Variants in ANKRD13B observed in about 807,000 individuals in gnomAD.
The protein encoded by ANKRD13B is ankyrin repeat domain-containing protein 13B.
In ANKRD13B, 33 loss-of-function variants were observed where a neutral mutation model predicts 74.4. The ratio of observed to expected loss-of-function variants is 0.44; its 90% CI spans 0.34 to 0.59. ANKRD13B has a LOEUF of 0.59. ANKRD13B is among the 20% of genes least tolerant of loss of function. The probability of loss-of-function intolerance (pLI) is 0.02; values close to 1 mark genes in which losing one functional copy is unlikely to be tolerated. For synonymous variants in ANKRD13B, 341 were observed against 362.9 expected (o/e 0.94, Z 0.68); for missense variants, 676 against 877.9 (o/e 0.77, Z 2.91).
At chr17:29,613,016 T>G (rs1362607573) in intron 14 of ANKRD13B, 53 bp downstream of exon 14, 36 of 1,564,220 alleles carry the variant, frequency 2.3e-5, no homozygotes, top group Non-Finnish European at 3.0e-5. Context: ...CTGTCTCCCC[T>G]AAGCCAGGAC....
At chr17:29,593,896 T>TGGGAGCGGG (rs749329666) in intron 1 of ANKRD13B, 161 bp downstream of exon 1, 35 of 203,766 alleles carry the variant, frequency 1.7e-4, no homozygotes, top group African/African-American at 2.6e-4. Context: ...GAAAGGGTGA[T>TGGGAGCGGG]CCCCTCCGGC....
chr17:29,593,895 A>AGGGGAGCGGGCCC, intron 1 of ANKRD13B, 160 bp downstream of exon 1: 1 of 315,506 alleles, frequency 3.2e-6, no homozygotes, highest in Non-Finnish European at 5.6e-6. Flanking sequence ...GGAAAGGGTG[A>AGGGGAGCGGGCCC]TCCCCTCCGG....
At chr17:29,595,437 C>T (rs554243918) in intron 1 of ANKRD13B, among the ~76,000 whole-genome samples, 5 of 152,312 alleles carry the variant, frequency 3.3e-5, no homozygotes, top group Admixed American at 2.6e-4. Context: ...CACTCCCTTG[C>T]CTGAGGGTGG....
In ANKRD13B at chr17:29,613,561, G is replaced by T. The variant is rs1371630108; in HGVS notation, c.1860G>T (p.Arg620Ser). ...AGGAGGAGCTGGAGCGCATCCTGAG[G>T]CTCTCACTGACCGAGCAGTAGCGCC... Reference protein sequence around the residue: ...QEEEELERILRLSLTEQ With the variant: ...QEEEELERILSLSLTEQ Residue 620 changes from arginine to serine, a missense_variant, in exon 15 of 15, where the codon AGG (arginine) becomes AGT (serine). Arg to Ser is a moderately radical substitution (Grantham distance 110). Transcript: ENST00000394859. 1 of 1,492,296 alleles carries T rather than the reference G, an allele frequency of 6.7e-7. No individual in the cohort carries two copies. The highest frequency in any genetic ancestry group is 2.2e-5 in the Admixed American group (1 of 45,330). 92.4% of individuals were successfully genotyped at this position (1,492,296 alleles called of 1,614,324 possible). A position where few individuals can be genotyped will look rare whatever the true frequency, so the allele number is the denominator to read the frequency against.
chr17:29,605,289 G>A (rs971370146), intron 1 of ANKRD13B, among the ~76,000 whole-genome samples: 7 of 151,962 alleles, frequency 4.6e-5, no homozygotes, highest in African/African-American at 1.5e-4. Flanking sequence ...AGAAATCCAG[G>A]GATGTTACAG....
At chr17:29,602,575 C>T (rs1346856480) in intron 1 of ANKRD13B, among the ~76,000 whole-genome samples, 2 of 152,044 alleles carry the variant, frequency 1.3e-5, no homozygotes, top group African/African-American at 2.4e-5. Flanking sequence ...CTAGTCTCTG[C>T]CTCCGTCTTC....
Position 29,613,458 on chromosome 17 carries a change from AC to A in ANKRD13B, c.1758del (p.Tyr586Ter). 1 of 1,533,004 alleles carries A rather than the reference AC, an allele frequency of 6.5e-7. No individual in the cohort carries two copies. Among genetic ancestry groups the A allele is most frequent in the Non-Finnish European group, 8.8e-7 (1 of 1,142,072 alleles). The allele number at this position is 1,533,004 out of a possible 1,614,324, so 95.0% of individuals were successfully genotyped here. A position where few individuals can be genotyped will look rare whatever the true frequency, so the allele number is the denominator to read the frequency against. ...PGSGGHVFRSYDEQLRLAMEL... is the reference protein window; with the variant it reads ...PGSGGHVFRSXDEQLRLAMEL... ...TCCGGCGGCCACGTGTTCCGGAGCT[AC>A]GACGAGCAGCTGCGGCTGGCGATGG... On this transcript the variant is annotated frameshift_variant, in exon 15 of 15. Coordinates refer to ENST00000394859, the MANE Select transcript of ANKRD13B (RefSeq NM_152345.5). LOFTEE classifies it high-confidence loss of function.
chr17:29,611,653 T>C lies in ANKRD13B; in HGVS notation c.969+10T>C. The C allele has an allele frequency of 6.2e-7, 1 of 1,613,746 alleles. No individual in the cohort carries two copies. The highest frequency in any genetic ancestry group is 1.7e-5 in the Admixed American group (1 of 60,018). On this transcript the variant is annotated intron_variant, in intron 9 of 14. Coordinates refer to ENST00000394859, the MANE Select transcript of ANKRD13B (RefSeq NM_152345.5). This position sits in a 1 kb window ranked among gnomAD's most constrained non-coding sequence, Gnocchi z 4.3. ...GGGCCCCCAAAATGGGGTGAGTGTGTGCAGGGGTACCCGTAAGTGGAGGGA... is the reference window on the plus strand; with the variant it reads ...GGGCCCCCAAAATGGGGTGAGTGTGCGCAGGGGTACCCGTAAGTGGAGGGA...
At chr17:29,599,440 A>C (rs1467753091) in intron 1 of ANKRD13B, 1 of 152,246 alleles carries the variant, frequency 6.6e-6, no homozygotes, top group Non-Finnish European at 1.5e-5. Flanking sequence ...GGGGGGCAAC[A>C]GCTGCAAGGT....
intron 7 of ANKRD13B, among the ~76,000 whole-genome samples, chr17:29,610,437 T>TAG (rs2034543297): frequency 6.6e-6 from 1 of 152,194 alleles, no homozygotes; most frequent in African/African-American, 2.4e-5. Flanking sequence ...GGATCATGTT[T>TAG]GGCTTGTTTA....
rs1260780644 is a variant in ANKRD13B, at chr17:29,593,482, C to T, written c.-140C>T. 4.9e-6 allele frequency: 1 copy of T among 202,280 alleles called. No homozygotes were observed. Among genetic ancestry groups the T allele is most frequent in the Non-Finnish European group, 8.5e-6 (1 of 117,110 alleles). The allele number at this position is 202,280 out of a possible 1,614,324, so 12.5% of individuals were successfully genotyped here. ...ACCGCGCCGGGCGCGCCGCCCCCGC[C>T]CGCCGCCGCTCGCACATGCCCGAGC... On this transcript the variant is annotated 5_prime_UTR_variant, in exon 1 of 15. Transcript: ENST00000394859.
chr17:29,613,224 G>C, intron 14 of ANKRD13B, 130 bp from the exon 15 acceptor site: 4 of 1,374,278 alleles, frequency 2.9e-6, no homozygotes, highest in Non-Finnish European at 3.8e-6. Context: ...GGGCCAGGAC[G>C]CCGCGGGACT....
At chr17:29,601,111 A>T (rs2034160247) in intron 1 of ANKRD13B, among the ~76,000 whole-genome samples, 1 of 151,502 alleles carries the variant, frequency 6.6e-6, no homozygotes, top group Non-Finnish European at 1.5e-5. Flanking sequence ...TTTTTGTAGC[A>T]CAGAGTTTCA....
intron 1 of ANKRD13B, among the ~76,000 whole-genome samples, chr17:29,601,507 C>A (rs1260579016): frequency 6.6e-6 from 1 of 152,176 alleles, no homozygotes; most frequent in African/African-American, 2.4e-5. Context: ...CAGGCATGAG[C>A]CACTGTGCCT....
Position 29,608,050 on chromosome 17 carries a change from C to G in ANKRD13B, c.315C>G (p.Asp105Glu), listed in dbSNP as rs1289101796. 1 of 1,613,412 alleles carries G rather than the reference C, an allele frequency of 6.2e-7. No homozygotes were observed. The highest frequency in any genetic ancestry group is 8.5e-7 in the Non-Finnish European group (1 of 1,179,748). ...TGCAGCTGGTGCTTCGGTACCGGGA[C>G]TACCAGCGGGTGGTGAAGCGGCTGG... ...ELVQLVLRYR[D>E]YQRVVKRLAG... Residue 105 changes from aspartate to glutamate, a missense_variant, in exon 3 of 15, where the codon GAC becomes GAG. Coordinates refer to ENST00000394859, the MANE Select transcript of ANKRD13B (RefSeq NM_152345.5). This position sits in a 1 kb window ranked among gnomAD's most constrained non-coding sequence, Gnocchi z 6.4.
rs563604762 is a variant in ANKRD13B at position 29,611,256 on chromosome 17, G to A, written c.905-323G>A. Among the ~76,000 whole-genome samples the A allele has an allele frequency of 3.2e-4, 48 of 152,260 alleles. No individual in the cohort carries two copies. Among genetic ancestry groups the A allele is most frequent in the African/African-American group, 1.1e-3 (45 of 41,548 alleles). ...AAGTGCCTGAAGCAAACACACACACGCACATGCACACCCCACAGTGCCTGC... is the reference window on the plus strand; with the variant it reads ...AAGTGCCTGAAGCAAACACACACACACACATGCACACCCCACAGTGCCTGC... On this transcript the variant is annotated intron_variant, in intron 8 of 14. Transcript: ENST00000394859. This position sits in a 1 kb window ranked among gnomAD's most constrained non-coding sequence, Gnocchi z 4.3.
Position 29,608,803 on chromosome 17 carries a change from G to A in ANKRD13B, c.422-48G>A, listed in dbSNP as rs750096228. The A allele has an allele frequency of 3.0e-5, 49 of 1,611,262 alleles. No homozygotes were observed. Among genetic ancestry groups the A allele is most frequent in the South Asian group, 5.5e-5 (5 of 90,752 alleles). ...CCCATGCCCTGAGCTGGTCCAGGCC[G>A]TGTAGGCCAGACCAGTCAAAGCCAC... On this transcript the variant is annotated intron_variant, in intron 4 of 14. Transcript: ENST00000394859. The surrounding 1 kb of genome is among the most constrained non-coding windows in gnomAD (Gnocchi z 6.4).
rs1417417757 is a variant in ANKRD13B, at chr17:29,611,963, C to T, written c.1057C>T (p.Arg353Cys). The change falls in exon 10 of 15, where the codon CGT becomes TGT. Residue 353 changes from arginine (R) to cysteine (C), a missense_variant. By Grantham distance (180) the Arg-to-Cys change is radical. Transcript: ENST00000394859. This position sits in a 1 kb window ranked among gnomAD's most constrained non-coding sequence, Gnocchi z 4.3. Reference protein sequence around the residue: ...YFNPNFELGNRDMGRPMELTT... With the variant: ...YFNPNFELGNCDMGRPMELTT... ...CAACCCCAACTTTGAGCTGGGCAAC[C>T]GTGATATGGGCCGCCCCATGGAACT... is the stretch of plus-strand genomic sequence containing the variant. The T allele has an allele frequency of 3.7e-6, 6 of 1,613,992 alleles. No homozygotes were observed. Among genetic ancestry groups the T allele is most frequent in the Admixed American group, 1.7e-5 (1 of 60,000 alleles).
rs2034049608 is a variant in ANKRD13B at position 29,598,736 on chromosome 17, A to G, written c.114+5001A>G. Reference sequence around the variant, plus strand: ...CTAATTTTTGTATTTTTTTTTGTAGAGATGGGGTCTTGCCATGTTGCTCAG... The same window carrying G: ...CTAATTTTTGTATTTTTTTTTGTAGGGATGGGGTCTTGCCATGTTGCTCAG... On this transcript the variant is annotated intron_variant, in intron 1 of 14. Coordinates refer to ENST00000394859, the MANE Select transcript of ANKRD13B (RefSeq NM_152345.5). Among the ~76,000 whole-genome samples the G allele has an allele frequency of 2.0e-5, 3 of 151,834 alleles. No individual in the cohort carries two copies. The South Asian group carries it at 6.2e-4, about 32-fold the overall frequency.
Sources: gnomAD v4.1 joint callset for allele counts (sites outside exome capture counted in the v4.1 genomes callset) on GRCh38, gnomAD v4.1.1 for gene constraint, Gnocchi (gnomAD v3.1) non-coding constraint, MANE v1.5 for transcripts, NCBI Gene and HGNC (gene_info 2026-07-23, HGNC 2026-07-21) for gene names.